UBAP1: variants seen among roughly 807,000 people sequenced by gnomAD.
The protein encoded by UBAP1 is ubiquitin associated protein 1, also known as ubiquitin-associated protein 1.
A neutral mutation model predicts 39.0 loss-of-function variants in UBAP1; 5 were observed. The observed-to-expected ratio is 0.13, with a 90% confidence interval of 0.07 to 0.27. The LOEUF (loss-of-function observed/expected upper bound fraction) is 0.27, where lower values mean the gene tolerates loss of function less well. UBAP1 is among the 10% of genes least tolerant of loss of function. The probability of loss-of-function intolerance (pLI) is 1.00; values close to 1 mark genes in which losing one functional copy is unlikely to be tolerated. For missense variants in UBAP1, 490 were observed against 608.1 expected, an observed-to-expected ratio of 0.81 and a Z score of 2.04; for synonymous variants, 211 against 225.1, an observed-to-expected ratio of 0.94 and a Z score of 0.56.
At chr9:34,189,780 G>A (rs1486872848) in intron 1 of UBAP1, among the ~76,000 whole-genome samples, 1 of 151,946 alleles carries the variant, frequency 6.6e-6, no homozygotes, top group Admixed American at 6.6e-5. Context: ...GGGATTACGG[G>A]CGTGCTCCAC....
chr9:34,180,796 T>C (rs945950109), intron 1 of UBAP1, among the ~76,000 whole-genome samples: 1 of 59,252 alleles, frequency 1.7e-5, no homozygotes, highest in African/African-American at 5.3e-5. Context: ...GAAAAAAAAC[T>C]TTTTTTTTTT....
chr9:34,184,333 T>TA (rs1830259603), intron 1 of UBAP1, among the ~76,000 whole-genome samples: 1 of 151,606 alleles, frequency 6.6e-6, no homozygotes, highest in Admixed American at 6.6e-5. Flanking sequence ...CTTTTTTTTT[T>TA]AGATAGTCTC....
rs6150983 is a variant in UBAP1, at chr9:34,231,127, A to ATGTGTGTGTG, written c.35-3049_35-3040dup. Among the ~76,000 whole-genome samples, 906 of 137,078 alleles carry ATGTGTGTGTG rather than the reference A, an allele frequency of 6.6e-3. 11 individuals are homozygous for ATGTGTGTGTG. Among genetic ancestry groups the ATGTGTGTGTG allele is most frequent in the African/African-American group, 0.011 (405 of 36,142 alleles). 89.9% of individuals were successfully genotyped at this position (137,078 alleles called of 152,430 possible). ...GGGCAAATGTCTCTTTAAAAAAATTATGTGTGTGTGTGTGTGTGTGTGTGT... is the reference window on the plus strand; with the variant it reads ...GGGCAAATGTCTCTTTAAAAAAATTATGTGTGTGTGTGTGTGTGTGTGTGTGTGTGTGTGT... On this transcript the variant is annotated intron_variant, in intron 2 of 6. Transcript: ENST00000297661.
intron 1 of UBAP1, among the ~76,000 whole-genome samples, chr9:34,202,817 A>G (rs552216080): frequency 6.6e-6 from 1 of 152,114 alleles, no homozygotes; most frequent in Non-Finnish European, 1.5e-5. Flanking sequence ...TTATTTTTGT[A>G]TATCTCTGAA....
intron 3 of UBAP1, among the ~76,000 whole-genome samples, chr9:34,235,839 T>C (rs919837837): frequency 3.3e-5 from 5 of 151,698 alleles, no homozygotes; most frequent in African/African-American, 9.7e-5. Context: ...TTTTTTTTTT[T>C]TTCTTTTTTT....
At chr9:34,235,077 G>T (rs1189009851) in intron 3 of UBAP1, among the ~76,000 whole-genome samples, 2 of 151,640 alleles carry the variant, frequency 1.3e-5, no homozygotes, top group Non-Finnish European at 2.9e-5. Flanking sequence ...TTTTAAGAAA[G>T]AAGTTTAAAA....
At chr9:34,218,054 T>G (rs2131571855) in intron 1 of UBAP1, among the ~76,000 whole-genome samples, 1 of 150,628 alleles carries the variant, frequency 6.6e-6, no homozygotes, top group Non-Finnish European at 1.5e-5. Context: ...AGATCCAGAT[T>G]ATCCTGGCCA....
At position 34,187,851 on chromosome 9, in the gene UBAP1, C is replaced by G. The variant is rs564012998; in HGVS notation, c.-8+8611C>G. ...TTTTTAAAAAAAAAAACAAAACTGT[C>G]CAGTTCCTTGGACTTGTGTGTCTCC... On this transcript the variant is annotated intron_variant, in intron 1 of 6. Coordinates refer to ENST00000297661, the MANE Select transcript of UBAP1 (RefSeq NM_016525.5). Among the ~76,000 whole-genome samples the G allele has an allele frequency of 3.3e-5, 5 of 150,906 alleles. No homozygotes were observed. The East Asian group carries it at 7.7e-4, about 23-fold the overall frequency.
chr9:34,188,808 T>G (rs1329244865), intron 1 of UBAP1, among the ~76,000 whole-genome samples: 1 of 151,872 alleles, frequency 6.6e-6, no homozygotes. Context: ...AATAGAAAAA[T>G]TAGCCAGGCA....
In UBAP1 at chr9:34,218,250, CAAAAAAAAAAAAAAAAAAAAAAAAAAAA is replaced by C. The variant is rs758443973; in HGVS notation, c.-7-2641_-7-2614del. Among the ~76,000 whole-genome samples, 94 of 49,522 alleles carry C rather than the reference CAAAAAAAAAAAAAAAAAAAAAAAAAAAA, an allele frequency of 1.9e-3. 1 individual carries two copies. Among genetic ancestry groups the C allele is most frequent in the African/African-American group, 7.0e-3 (74 of 10,620 alleles). The allele number at this position is 49,522 out of a possible 152,430, so 32.5% of individuals were successfully genotyped here. ...CTGGTGACAGAGCGAGACTCCATCT[CAAAAAAAAAAAAAAAAAAAAAAAAAAAA>C]AAAAAAAAAAAAAAAAGCCAAGCAC... On this transcript the variant is annotated intron_variant, in intron 1 of 6. Transcript: ENST00000297661.
intron 2 of UBAP1, among the ~76,000 whole-genome samples, chr9:34,231,934 A>T (rs1032981390): frequency 1.3e-5 from 2 of 151,242 alleles, no homozygotes; most frequent in African/African-American, 4.9e-5. Flanking sequence ...CCCGGCCGGG[A>T]CACTCAAATT....
At chr9:34,183,630 G>C (rs1830214428) in intron 1 of UBAP1, among the ~76,000 whole-genome samples, 1 of 150,660 alleles carries the variant, frequency 6.6e-6, no homozygotes, top group South Asian at 2.1e-4. Flanking sequence ...CTGAAAAGAA[G>C]CTTAGAAATC....
At chr9:34,202,680 C>T (rs1176590205) in intron 1 of UBAP1, among the ~76,000 whole-genome samples, 2 of 65,644 alleles carry the variant, frequency 3.0e-5, no homozygotes, top group African/African-American at 8.4e-5. Context: ...TGTGTGTGTC[C>T]CCGTCCCCGT....
At chr9:34,194,802 A>AT (rs1830930925) in intron 1 of UBAP1, among the ~76,000 whole-genome samples, 1 of 151,986 alleles carries the variant, frequency 6.6e-6, no homozygotes, top group African/African-American at 2.4e-5. Flanking sequence ...TCTCTATTTT[A>AT]TTTTTCTTTT....
rs141023013 is a variant in UBAP1 at position 34,199,763 on chromosome 9, G to T, written c.-8+20523G>T. Among the ~76,000 whole-genome samples, 931 of 149,680 alleles carry T rather than the reference G, an allele frequency of 6.2e-3. 12 individuals are homozygous for T. The highest frequency in any genetic ancestry group is 0.021 in the African/African-American group (871 of 40,692). ...TGATCCTCCTGCCTCAGCCTCCCTA[G>T]TAGCTGGGACTACAGGCACGTGCCA... On this transcript the variant is annotated intron_variant, in intron 1 of 6. Coordinates refer to ENST00000297661, the MANE Select transcript of UBAP1 (RefSeq NM_016525.5).
At chr9:34,200,630 G>A (rs1210930756) in intron 1 of UBAP1, among the ~76,000 whole-genome samples, 3 of 152,088 alleles carry the variant, frequency 2.0e-5, no homozygotes, top group Non-Finnish European at 2.9e-5. Context: ...AAATATGAAT[G>A]TAAAACATCT....
intron 1 of UBAP1, among the ~76,000 whole-genome samples, chr9:34,191,104 T>G (rs1830694645): frequency 6.6e-6 from 1 of 152,178 alleles, no homozygotes; most frequent in African/African-American, 2.4e-5. Flanking sequence ...GTCTCCAACA[T>G]TGACAGTGGA....
chr9:34,182,616 CTTCTTTCT>C (rs61297759), intron 1 of UBAP1, among the ~76,000 whole-genome samples: 4,974 of 110,522 alleles, frequency 0.045, 246 homozygotes, highest in African/African-American at 0.1. Flanking sequence ...TCTTTCTTTC[CTTCTTTCT>C]TTCTTTCTTT....
At chr9:34,190,160 T>G (rs1830635156) in intron 1 of UBAP1, among the ~76,000 whole-genome samples, 1 of 152,228 alleles carries the variant, frequency 6.6e-6, no homozygotes, top group Non-Finnish European at 1.5e-5. Context: ...AACCTTCACA[T>G]GTACCCCTGA....
Sources: gnomAD v4.1 joint callset for allele counts (sites outside exome capture counted in the v4.1 genomes callset) on GRCh38, gnomAD v4.1.1 for gene constraint, MANE v1.5 for transcripts, NCBI Gene and HGNC (gene_info 2026-07-23, HGNC 2026-07-21) for gene names.